The following PDE4D variants were observed in gnomAD, a reference collection of about 807,000 sequenced individuals.
The protein encoded by PDE4D is 3',5'-cyclic-AMP phosphodiesterase 4D.
A neutral mutation model predicts 87.4 loss-of-function variants in PDE4D; 24 were observed. The ratio of observed to expected loss-of-function variants is 0.27; its 90% confidence interval spans 0.20 to 0.39. The LOEUF (loss-of-function observed/expected upper bound fraction) is 0.39. PDE4D is among the 10% of genes least tolerant of loss of function. PDE4D has a pLI of 1.00. For missense variants in PDE4D, 714 were observed against 1,041.0 expected, an observed-to-expected ratio of 0.69 and a Z score of 4.32; for synonymous variants, 384 against 383.2, an observed-to-expected ratio of 1.00 and a Z score of -0.02.
rs1288412825 is a variant in PDE4D at position 58,972,653 on chromosome 5, T to A, written c.*2011A>T. The A allele has an allele frequency of 6.6e-6, 1 of 152,174 alleles. No individual in the cohort carries two copies. The highest frequency in any genetic ancestry group is 1.5e-5 in the Non-Finnish European group (1 of 68,034). 9.4% of individuals were successfully genotyped at this position (152,174 alleles called of 1,614,324 possible). ...TTCTATCTATCTCAATTCTTGAATA[T>A]CAATGTGAAAAATGATTATTTGGGC... is the stretch of plus-strand genomic sequence containing the variant. On this transcript the variant is annotated 3_prime_UTR_variant, in exon 15 of 15. Coordinates refer to ENST00000340635, the MANE Select transcript of PDE4D (RefSeq NM_001104631.2).
rs1323581778 is a variant in PDE4D at position 59,893,343 on chromosome 5, G to A, written c.280C>T (p.Arg94Cys). 2.1e-6 allele frequency: 3 copies of A among 1,458,062 alleles called. No homozygotes were observed. The highest frequency in any genetic ancestry group is 2.9e-5 in the African/African-American group (2 of 68,356). The allele number at this position is 1,458,062 out of a possible 1,614,324, so 90.3% of individuals were successfully genotyped here. A position where few individuals can be genotyped will look rare whatever the true frequency, so the allele number is the denominator to read the frequency against. ...CCGGTGGCCCCGCTCGAGGCGTAGC[G>A]GCCGCGGGCAGCCCCGGGCGGCGGC... ...PPPPPGAARG[R>C]YASSGATGRV... Residue 94 changes from arginine (R) to cysteine (C), a missense_variant, in exon 1 of 15, where the codon CGC (arginine) becomes TGC (cysteine). Around this residue, in one of 7 missense-constraint regions of PDE4D, gnomAD observed 268 missense variants for 272.9 expected, o/e 0.98. Transcript: ENST00000340635.
chr5:60,479,448 C>T (rs1479937862), intron 1 of PDE4D, among the ~76,000 whole-genome samples: 1 of 152,154 alleles, frequency 6.6e-6, no homozygotes, highest in Admixed American at 6.5e-5. Flanking sequence ...TAGCCTACTG[C>T]AATAAATTCT....
intron 1 of PDE4D, among the ~76,000 whole-genome samples, chr5:60,494,761 G>A (rs1024084351): frequency 1.3e-5 from 2 of 152,300 alleles, no homozygotes; most frequent in East Asian, 3.9e-4. Context: ...GCTTTCTAGA[G>A]CTAAAGCTGA....
chr5:59,470,607 T>A (rs568228984), intron 1 of PDE4D, among the ~76,000 whole-genome samples: 1 of 152,320 alleles, frequency 6.6e-6, no homozygotes, highest in African/African-American at 2.4e-5. Flanking sequence ...ATTTCACTAA[T>A]ACTGTTTAGC....
At chr5:60,075,517 G>C (rs1773191206) in intron 2 of PDE4D, among the ~76,000 whole-genome samples, 1 of 152,026 alleles carries the variant, frequency 6.6e-6, no homozygotes, top group African/African-American at 2.4e-5. Context: ...GTCTCTTATG[G>C]GGGTTCTCTG....
chr5:59,152,607 C>T (rs978994930), intron 5 of PDE4D, among the ~76,000 whole-genome samples: 2 of 152,094 alleles, frequency 1.3e-5, no homozygotes, highest in Non-Finnish European at 2.9e-5. Flanking sequence ...ATCCAAAAAA[C>T]GGTTTGTTTA....
intron 1 of PDE4D, among the ~76,000 whole-genome samples, chr5:59,517,105 A>G (rs1405868081): frequency 4.6e-5 from 7 of 152,142 alleles, no homozygotes; most frequent in Non-Finnish European, 7.3e-5. Flanking sequence ...ACGAAAAACT[A>G]TTAGCTTTCT....
chr5:58,989,983 G>GT (rs1224317966), intron 9 of PDE4D, 64 bp from the exon 10 acceptor site: 2 of 837,020 alleles, frequency 2.4e-6, no homozygotes, highest in African/African-American at 3.9e-5. Context: ...CATAGAGTAT[G>GT]TTTAAAAAAA....
At chr5:59,069,373 G>C (rs1459846455) in intron 5 of PDE4D, among the ~76,000 whole-genome samples, 1 of 152,174 alleles carries the variant, frequency 6.6e-6, no homozygotes, top group Admixed American at 6.5e-5. Flanking sequence ...AGGTTCAGAA[G>C]ATGCAATGAA....
intron 2 of PDE4D, among the ~76,000 whole-genome samples, chr5:60,111,458 C>T (rs1777678147): frequency 6.6e-6 from 1 of 151,950 alleles, no homozygotes; most frequent in South Asian, 2.1e-4. Context: ...TGTTAAACAT[C>T]TTACCTAGAA....
intron 1 of PDE4D, among the ~76,000 whole-genome samples, chr5:60,502,553 G>A (rs1019410712): frequency 2.6e-5 from 4 of 152,186 alleles, no homozygotes; most frequent in Non-Finnish European, 5.9e-5. Flanking sequence ...GTCATTGGTA[G>A]CTTGATGGAA....
intron 1 of PDE4D, among the ~76,000 whole-genome samples, chr5:59,777,172 A>G (rs1472580852): frequency 6.6e-6 from 1 of 152,208 alleles, no homozygotes; most frequent in Non-Finnish European, 1.5e-5. Context: ...GAATGCTTCC[A>G]GCAGAATGAT....
At chr5:60,189,897 C>T (rs527862879) in intron 1 of PDE4D, among the ~76,000 whole-genome samples, 4 of 152,294 alleles carry the variant, frequency 2.6e-5, no homozygotes, top group African/African-American at 9.6e-5. Flanking sequence ...TCTGAGTGAT[C>T]AAGGTGTAAT....
intron 2 of PDE4D, among the ~76,000 whole-genome samples, chr5:60,110,620 C>A (rs1362534925): frequency 6.6e-6 from 1 of 152,088 alleles, no homozygotes; most frequent in Non-Finnish European, 1.5e-5. Flanking sequence ...AAAAATAGAA[C>A]TAACATATGA....
intron 2 of PDE4D, among the ~76,000 whole-genome samples, chr5:60,105,469 C>T (rs1057298531): frequency 6.6e-6 from 1 of 152,150 alleles, no homozygotes; most frequent in Non-Finnish European, 1.5e-5. Flanking sequence ...CTTCCCCAAT[C>T]TAGCAAGGCA....
chr5:59,035,731 A>G (rs1435833529), intron 6 of PDE4D, among the ~76,000 whole-genome samples: 1 of 152,196 alleles, frequency 6.6e-6, no homozygotes, highest in East Asian at 1.9e-4. Flanking sequence ...GCAAGAAACA[A>G]AACCATAATT....
chr5:59,196,334 GC>G (rs1225164002), intron 2 of PDE4D, among the ~76,000 whole-genome samples: 2 of 152,090 alleles, frequency 1.3e-5, no homozygotes, highest in African/African-American at 4.8e-5. Context: ...ATATGCATTG[GC>G]TGATTCCTAT....
chr5:60,442,296 C>T (rs1005593815), intron 1 of PDE4D, among the ~76,000 whole-genome samples: 10 of 152,128 alleles, frequency 6.6e-5, no homozygotes, highest in Non-Finnish European at 8.8e-5. Flanking sequence ...TTCAGGGACA[C>T]GGATGAAGCT....
intron 1 of PDE4D, among the ~76,000 whole-genome samples, chr5:60,477,712 A>G (rs533194765): frequency 4.6e-5 from 7 of 152,308 alleles, no homozygotes; most frequent in African/African-American, 1.7e-4. Flanking sequence ...AGAGACTTGA[A>G]AAGTGCATGT....
Sources: gnomAD v4.1 joint callset for allele counts (sites outside exome capture counted in the v4.1 genomes callset) on GRCh38, gnomAD v4.1.1 for gene constraint, gnomAD v4.1.1 regional missense constraint, MANE v1.5 for transcripts, NCBI Gene and HGNC (gene_info 2026-07-23, HGNC 2026-07-21) for gene names.